The following EFCAB6 variants were observed in gnomAD, a reference collection of about 807,000 sequenced individuals.
EFCAB6 encodes the protein EF-hand calcium binding domain 6.
In EFCAB6, 156 loss-of-function variants were observed where a neutral mutation model predicts 169.8. That is an observed-to-expected ratio of 0.92 (90% confidence interval 0.81 to 1.05). EFCAB6 has a LOEUF of 1.05. Ranked by LOEUF, EFCAB6 falls within the 50% of genes least tolerant of loss-of-function variation. EFCAB6 has a pLI of 0.00. For missense variants in EFCAB6, 1,800 were observed against 1,829.1 expected (o/e 0.98, Z 0.29); for synonymous variants, 698 against 676.4 (o/e 1.03, Z -0.50).
chr22:43,759,034 C>T (rs556113778), intron 5 of EFCAB6, among the ~76,000 whole-genome samples: 67 of 152,308 alleles, frequency 4.4e-4, no homozygotes, highest in Middle Eastern at 3.4e-3. Flanking sequence ...ACCAGCCTGA[C>T]CAGCATGGTG....
At chr22:43,689,355 ACAC>A (rs1569394420) in intron 10 of EFCAB6, among the ~76,000 whole-genome samples, 11 of 151,144 alleles carry the variant, frequency 7.3e-5, no homozygotes, top group African/African-American at 2.0e-4. Context: ...ACGTGCACAC[ACAC>A]ACACACACAC....
At chr22:43,670,548 A>G (rs2057445491) in intron 15 of EFCAB6, among the ~76,000 whole-genome samples, 1 of 152,218 alleles carries the variant, frequency 6.6e-6, no homozygotes. Context: ...TAACAGTACT[A>G]TGGTGTCGTT....
At chr22:43,631,078 A>G (rs527452245) in intron 19 of EFCAB6, among the ~76,000 whole-genome samples, 1 of 151,980 alleles carries the variant, frequency 6.6e-6, no homozygotes, top group Non-Finnish European at 1.5e-5. Context: ...CTCAGAGCAC[A>G]GGAAATGGGG....
chr22:43,753,978 T>G (rs1426227137), intron 6 of EFCAB6, among the ~76,000 whole-genome samples: 1 of 152,212 alleles, frequency 6.6e-6, no homozygotes, highest in Non-Finnish European at 1.5e-5. Flanking sequence ...CATTCCTAAG[T>G]CTTTTTCTCA....
intron 22 of EFCAB6, among the ~76,000 whole-genome samples, chr22:43,604,313 C>T (rs777318598): frequency 3.3e-5 from 5 of 152,170 alleles, no homozygotes; most frequent in Non-Finnish European, 7.3e-5. Flanking sequence ...GAAGATCAGA[C>T]ACCATCTGCT....
At chr22:43,773,232 G>A (rs144276824) in intron 3 of EFCAB6, 129 bp from the exon 4 acceptor site, 8,575 of 846,936 alleles carry the variant, frequency 0.01, 74 homozygotes, top group South Asian at 0.021. Flanking sequence ...CTAGGTTTAC[G>A]TGTATCACCG....
At chr22:43,695,615 C>T (rs2058548232) in intron 10 of EFCAB6, among the ~76,000 whole-genome samples, 1 of 152,026 alleles carries the variant, frequency 6.6e-6, no homozygotes, top group South Asian at 2.1e-4. Context: ...AATCAAGAAA[C>T]CACAGTACTG....
chr22:43,537,423 C>G lies in EFCAB6; in HGVS notation c.4002G>C (p.Glu1334Asp). The G allele has an allele frequency of 1.2e-6, 2 of 1,614,164 alleles. No individual in the cohort carries two copies. Among genetic ancestry groups the G allele is most frequent in the East Asian group, 4.5e-5 (2 of 44,874 alleles). The change falls in exon 29 of 32, where the codon GAG becomes GAC. Residue 1334 changes from glutamate (E) to aspartate (D), a missense_variant. Physicochemically the swap from Glu to Asp is conservative, Grantham distance 45 (BLOSUM62 2). Transcript: ENST00000262726. This position sits in a 1 kb window ranked among gnomAD's most constrained non-coding sequence, Gnocchi z 4.3. ...CWRQLLKECK[E>D]KDVARQGDIN... ...TGTCCCCCTGTCTGGCCACGTCCTT[C>G]TCCTTGCATTCTTTCAGGAGCTGGC...
At chr22:43,579,351 TATCATTCCCTACACATAGGC>T (rs2050518211) in intron 25 of EFCAB6, among the ~76,000 whole-genome samples, 4 of 81,068 alleles carry the variant, frequency 4.9e-5, no homozygotes, top group African/African-American at 1.0e-4. Context: ...TACACGCAGG[TATCATTCCCTACACATAGGC>T]ATCATTCCCT....
rs61494439 is a variant in EFCAB6 at position 43,612,709 on chromosome 22, T to A, written c.2562+3117A>T. Reference sequence around the variant, plus strand: ...GAGTTCGAGACCAGCCTGGCCAACATGATGAAACCCTGTCTCTACTAAAAA... The same window carrying A: ...GAGTTCGAGACCAGCCTGGCCAACAAGATGAAACCCTGTCTCTACTAAAAA... On this transcript the variant is annotated intron_variant, in intron 21 of 31. Coordinates refer to ENST00000262726, the MANE Select transcript of EFCAB6 (RefSeq NM_022785.4). Among the ~76,000 whole-genome samples the A allele has an allele frequency of 2.0e-3, 309 of 152,050 alleles. 2 individuals carry two copies. In the Middle Eastern group the frequency reaches 0.02, roughly 10 times the overall value.
At chr22:43,772,155 G>A (rs540340892) in intron 4 of EFCAB6, among the ~76,000 whole-genome samples, 3 of 152,236 alleles carry the variant, frequency 2.0e-5, no homozygotes, top group East Asian at 1.9e-4. Context: ...CCAACACTCC[G>A]TAAGTGTCTC....
intron 6 of EFCAB6, among the ~76,000 whole-genome samples, chr22:43,736,829 CTTG>C (rs2060157776): frequency 6.6e-6 from 1 of 152,062 alleles, no homozygotes; most frequent in African/African-American, 2.4e-5. Context: ...CACTCCACAC[CTTG>C]TTATTACGAA....
intron 10 of EFCAB6, among the ~76,000 whole-genome samples, chr22:43,698,911 T>A (rs1192689156): frequency 3.3e-5 from 5 of 152,210 alleles, no homozygotes; most frequent in Admixed American, 1.3e-4. Flanking sequence ...TTTCTCTTTT[T>A]CTATTCCCTC....
rs146519866 is a variant in EFCAB6 at position 43,541,784 on chromosome 22, C to T, written c.3649-1427G>A. On this transcript the variant is annotated intron_variant, in intron 27 of 31. Coordinates refer to ENST00000262726, the MANE Select transcript of EFCAB6 (RefSeq NM_022785.4). Reference sequence around the variant, plus strand: ...ACCTTCCCATGTGGTGCCAAAACCACCTCTGCAGCTAATCTCTCCCCCTCC... The same window carrying T: ...ACCTTCCCATGTGGTGCCAAAACCATCTCTGCAGCTAATCTCTCCCCCTCC... Among the ~76,000 whole-genome samples, 883 of 152,336 alleles carry T rather than the reference C, an allele frequency of 5.8e-3. 6 individuals carry two copies. The highest frequency in any genetic ancestry group is 0.021 in the African/African-American group (854 of 41,572).
intron 8 of EFCAB6, among the ~76,000 whole-genome samples, chr22:43,730,249 G>GA: frequency 8.8e-6 from 1 of 113,120 alleles, no homozygotes; most frequent in East Asian, 2.6e-4. Flanking sequence ...GATGGAAGGA[G>GA]GGAAGGAGGA....
intron 23 of EFCAB6, among the ~76,000 whole-genome samples, chr22:43,595,689 C>A (rs1221032889): frequency 6.6e-6 from 1 of 152,108 alleles, no homozygotes; most frequent in Non-Finnish European, 1.5e-5. Flanking sequence ...CTAATACCAA[C>A]TCTACCCAAA....
chr22:43,689,212 G>T (rs967670335), intron 10 of EFCAB6, among the ~76,000 whole-genome samples: 1 of 151,974 alleles, frequency 6.6e-6, no homozygotes, highest in Admixed American at 6.6e-5. Context: ...TTTTGCGGGG[G>T]GGCGCAGGGC....
intron 17 of EFCAB6, among the ~76,000 whole-genome samples, chr22:43,662,762 T>A (rs2057067456): frequency 6.6e-6 from 1 of 152,178 alleles, no homozygotes. Flanking sequence ...AAACCTAGTC[T>A]ACCCACCAAG....
At chr22:43,617,249 G>A (rs909708446) in intron 20 of EFCAB6, among the ~76,000 whole-genome samples, 4 of 152,196 alleles carry the variant, frequency 2.6e-5, no homozygotes, top group Non-Finnish European at 5.9e-5. Flanking sequence ...TCCTAATGAT[G>A]TCTATTTCCC....
Sources: allele counts gnomAD v4.1 joint callset (sites outside exome capture counted in the v4.1 genomes callset), GRCh38; gene constraint gnomAD v4.1.1; non-coding constraint Gnocchi (gnomAD v3.1); transcripts MANE v1.5; gene names NCBI Gene and HGNC (gene_info 2026-07-23, HGNC 2026-07-21).